The following NAV3 variants were observed in gnomAD, a reference collection of about 807,000 sequenced individuals.
NAV3 encodes neuron navigator 3.
In NAV3, 87 loss-of-function variants were observed where a neutral mutation model predicts 244.7. That is an observed-to-expected ratio of 0.36 (90% CI 0.30 to 0.42). NAV3 has a LOEUF of 0.42. Among genes scored for constraint, NAV3 ranks in the 20% least tolerant of loss-of-function variants. The pLI is 1.00. For synonymous variants in NAV3, 1,126 were observed against 1,042.2 expected (o/e 1.08, Z -1.55); for missense variants, 2,663 against 2,893.3 (o/e 0.92, Z 1.83).
chr12:77,741,057 A>C (rs566618641), intron 2 of NAV3, among the ~76,000 whole-genome samples: 2 of 149,668 alleles, frequency 1.3e-5, no homozygotes, highest in African/African-American at 4.9e-5. Context: ...TTTGTGGGGA[A>C]AGTATTCCTT....
intron 12 of NAV3, among the ~76,000 whole-genome samples, chr12:78,071,739 C>T (rs539198857): frequency 1.1e-3 from 173 of 152,108 alleles, no homozygotes; most frequent in African/African-American, 3.9e-3. Context: ...GAATCCTTTC[C>T]CCATTGCTTG....
At chr12:77,712,562 G>T (rs1044262593) in intron 2 of NAV3, among the ~76,000 whole-genome samples, 3 of 152,160 alleles carry the variant, frequency 2.0e-5, no homozygotes, top group Admixed American at 6.6e-5. Flanking sequence ...ATGTTAGCCT[G>T]ATATCCTAAC....
chr12:77,795,067 A>G (rs1871345276), intron 2 of NAV3, among the ~76,000 whole-genome samples: 1 of 152,244 alleles, frequency 6.6e-6, no homozygotes, highest in Admixed American at 6.5e-5. Flanking sequence ...AGCTTATTGA[A>G]GAAGGCACAT....
In NAV3 at chr12:78,212,219, A is replaced by G. The variant is rs1283111870; in HGVS notation, c.*1702A>G. On this transcript the variant is annotated 3_prime_UTR_variant, in exon 40 of 40. Coordinates refer to ENST00000397909, the MANE Select transcript of NAV3 (RefSeq NM_001024383.2). ...CTTTAAAGAGAGTGCATGAAAACTG[A>G]TCAGTCATTGGAGAAGTTACCACCA... The G allele has an allele frequency of 6.6e-6, 1 of 152,626 alleles. No homozygotes were observed. The highest frequency in any genetic ancestry group is 1.5e-5 in the Non-Finnish European group (1 of 68,052). 9.5% of individuals were successfully genotyped at this position (152,626 alleles called of 1,614,324 possible).
At chr12:77,759,619 G>T (rs1391824511) in intron 2 of NAV3, among the ~76,000 whole-genome samples, 1 of 152,170 alleles carries the variant, frequency 6.6e-6, no homozygotes, top group Non-Finnish European at 1.5e-5. Flanking sequence ...GCTCTATATG[G>T]ATTAAATTTC....
intron 2 of NAV3, among the ~76,000 whole-genome samples, chr12:77,725,357 A>T (rs986105238): frequency 1.3e-5 from 2 of 152,046 alleles, no homozygotes; most frequent in Non-Finnish European, 2.9e-5. Context: ...ATATTCATAT[A>T]ACTGACGAAA....
chr12:77,910,432 G>A (rs192418467), intron 1 of NAV3, among the ~76,000 whole-genome samples: 221 of 152,190 alleles, frequency 1.5e-3, no homozygotes, highest in African/African-American at 5.0e-3. Flanking sequence ...ATATGTCCCC[G>A]TGACCCAAAC....
intron 2 of NAV3, among the ~76,000 whole-genome samples, chr12:77,804,199 T>C (rs1871853648): frequency 6.6e-6 from 1 of 152,216 alleles, no homozygotes; most frequent in African/African-American, 2.4e-5. Flanking sequence ...TTGCTTTTGA[T>C]GTTTTAGTCA....
chr12:78,067,187 C>T (rs1431836230), intron 12 of NAV3, among the ~76,000 whole-genome samples: 2 of 152,022 alleles, frequency 1.3e-5, no homozygotes, highest in Non-Finnish European at 2.9e-5. Flanking sequence ...TGATTTGTTC[C>T]AGTACAATCA....
chr12:77,664,046 C>T (rs992515813), intron 2 of NAV3, among the ~76,000 whole-genome samples: 1 of 152,182 alleles, frequency 6.6e-6, no homozygotes, highest in African/African-American at 2.4e-5. Flanking sequence ...TACATATTAA[C>T]CCTTTAGCAT....
intron 12 of NAV3, chr12:78,088,775 C>A (rs998004690): frequency 6.6e-6 from 1 of 151,988 alleles, no homozygotes; most frequent in Non-Finnish European, 1.5e-5. Context: ...ACCCAGAATC[C>A]GAGAGTATGA....
chr12:77,776,038 C>G (rs190633671), intron 2 of NAV3, among the ~76,000 whole-genome samples: 1 of 152,202 alleles, frequency 6.6e-6, no homozygotes, highest in African/African-American at 2.4e-5. Flanking sequence ...TAGCCCCTAT[C>G]TCCCTCAGGC....
At chr12:77,994,482 A>T (rs1324072203) in intron 5 of NAV3, among the ~76,000 whole-genome samples, 3 of 152,224 alleles carry the variant, frequency 2.0e-5, no homozygotes, top group Non-Finnish European at 4.4e-5. Context: ...TTTCACAGTC[A>T]TTTACAAGGT....
chr12:78,203,645 C>T (rs1359710748), intron 38 of NAV3, among the ~76,000 whole-genome samples: 6 of 151,962 alleles, frequency 3.9e-5, no homozygotes, highest in Non-Finnish European at 8.8e-5. Flanking sequence ...TGAACCAAAA[C>T]AAACTATACA....
intron 12 of NAV3, among the ~76,000 whole-genome samples, chr12:78,085,837 A>C (rs300480): frequency 0.19 from 29,586 of 152,072 alleles, 2,858 homozygotes; most frequent in Non-Finnish European, 0.21. Context: ...GTAGCTGGTT[A>C]GCAAACTCAA....
intron 2 of NAV3, among the ~76,000 whole-genome samples, chr12:77,605,018 A>C (rs924585649): frequency 6.6e-6 from 1 of 152,126 alleles, no homozygotes; most frequent in Non-Finnish European, 1.5e-5. Context: ...TAAATTATGA[A>C]GGATGGACTG....
At chr12:77,884,672 C>T (rs535935970) in intron 1 of NAV3, among the ~76,000 whole-genome samples, 3 of 152,212 alleles carry the variant, frequency 2.0e-5, no homozygotes, top group South Asian at 2.1e-4. Flanking sequence ...ACATTGATGG[C>T]GGATCTTCCT....
intron 23 of NAV3, among the ~76,000 whole-genome samples, chr12:78,166,755 G>A (rs1957797094): frequency 6.6e-6 from 1 of 151,640 alleles, no homozygotes; most frequent in Non-Finnish European, 1.5e-5. Context: ...GGTTTTATAA[G>A]AGATTTCTTG....
At chr12:78,028,475 G>A (rs185411364) in intron 9 of NAV3, among the ~76,000 whole-genome samples, 1 of 152,264 alleles carries the variant, frequency 6.6e-6, no homozygotes, top group African/African-American at 2.4e-5. Context: ...AAGTTTTGAT[G>A]CCTCAGAAAG....
Sources: gnomAD v4.1 joint callset for allele counts (sites outside exome capture counted in the v4.1 genomes callset) on GRCh38, gnomAD v4.1.1 for gene constraint, MANE v1.5 for transcripts, NCBI Gene and HGNC (gene_info 2026-07-23, HGNC 2026-07-21) for gene names.